STX6: variants seen among roughly 807,000 people sequenced by gnomAD.
STX6 encodes syntaxin-6.
STX6 carries 23 observed loss-of-function variants against 38.0 expected under a neutral mutation model. That is an observed-to-expected ratio of 0.60 (90% CI 0.43 to 0.86). The LOEUF (loss-of-function observed/expected upper bound fraction) is 0.86, where lower values mean the gene tolerates loss of function less well. Among genes scored for constraint, STX6 ranks in the 40% least tolerant of loss-of-function variants. STX6 has a pLI of 0.00. For missense variants in STX6, 274 were observed against 312.9 expected (o/e 0.88, Z 0.94); for synonymous variants, 123 against 107.5 (o/e 1.14, Z -0.89).
intron 7 of STX6, among the ~76,000 whole-genome samples, chr1:180,983,381 T>C (rs1655468982): frequency 6.6e-6 from 1 of 152,150 alleles, no homozygotes; most frequent in African/African-American, 2.4e-5. Flanking sequence ...TCAGATTACC[T>C]CAAGGAGCAT....
chr1:180,986,624 G>A (rs985881505), intron 6 of STX6, among the ~76,000 whole-genome samples: 8 of 152,130 alleles, frequency 5.3e-5, no homozygotes. Flanking sequence ...GCTCACTGCA[G>A]CCTCAAACAC....
At chr1:181,008,152 T>C (rs1461016662) in intron 1 of STX6, among the ~76,000 whole-genome samples, 3 of 152,236 alleles carry the variant, frequency 2.0e-5, no homozygotes, top group Non-Finnish European at 4.4e-5. Context: ...CCTAAAACTG[T>C]ATTAAAGAAC....
At chr1:181,018,980 T>C (rs1656649183) in intron 1 of STX6, among the ~76,000 whole-genome samples, 1 of 152,208 alleles carries the variant, frequency 6.6e-6, no homozygotes, top group African/African-American at 2.4e-5. Flanking sequence ...TTATTAGCTG[T>C]GTGACCCTAG....
At chr1:181,008,563 G>C (rs1656294145) in intron 1 of STX6, among the ~76,000 whole-genome samples, 1 of 152,054 alleles carries the variant, frequency 6.6e-6, no homozygotes, top group Admixed American at 6.6e-5. Flanking sequence ...TGGTCATTAG[G>C]AAAGTATTAG....
At position 180,993,445 on chromosome 1, in the gene STX6, G is replaced by A. The variant is rs370293257; in HGVS notation, c.301-20C>T. On this transcript the variant is annotated intron_variant, in intron 3 of 7. Coordinates refer to ENST00000258301, the MANE Select transcript of STX6 (RefSeq NM_005819.6). The stretch of plus-strand genomic sequence containing the variant: ...CATGTCCTAATGAGAAAGAAGATAC[G>A]AAAACAAATGAAAAATATCCTTAAA... 8.4e-6 allele frequency: 12 copies of A among 1,430,136 alleles called. No homozygotes were observed. The highest frequency in any genetic ancestry group is 5.6e-5 in the African/African-American group (4 of 71,090). The allele number at this position is 1,430,136 out of a possible 1,614,324, so 88.6% of individuals were successfully genotyped here. A position where few individuals can be genotyped will look rare whatever the true frequency, so the allele number is the denominator to read the frequency against.
At chr1:181,012,672 C>CTTTTTT (rs58296301) in intron 1 of STX6, among the ~76,000 whole-genome samples, 1 of 118,922 alleles carries the variant, frequency 8.4e-6, no homozygotes, top group Non-Finnish European at 1.7e-5. Context: ...TTCTTCCATT[C>CTTTTTT]TTTTTTTTTT....
Position 180,972,875 on chromosome 1 carries a change from CAAA to C in STX6, c.*3692_*3694del, listed in dbSNP as rs372906189. 142 of 189,448 alleles carry C rather than the reference CAAA, an allele frequency of 7.5e-4. No individual in the cohort carries two copies. The highest frequency in any genetic ancestry group is 4.0e-3 in the Middle Eastern group (2 of 504). The allele number at this position is 189,448 out of a possible 1,614,324, so 11.7% of individuals were successfully genotyped here. The stretch of plus-strand genomic sequence containing the variant: ...TTCTGGTTTGGTTTTATTTTTTAAT[CAAA>C]AAAAAAAAAAGGAGAGAAAGAAAAG... On this transcript the variant is annotated 3_prime_UTR_variant, in exon 8 of 8. Coordinates refer to ENST00000258301, the MANE Select transcript of STX6 (RefSeq NM_005819.6).
chr1:180,983,302 C>T (rs185229310), intron 7 of STX6, among the ~76,000 whole-genome samples: 2 of 152,244 alleles, frequency 1.3e-5, no homozygotes, highest in African/African-American at 4.8e-5. Flanking sequence ...AGGAAACCAA[C>T]AGAAGAAAAG....
At chr1:181,016,866 C>T (rs1393613559) in intron 1 of STX6, among the ~76,000 whole-genome samples, 2 of 151,878 alleles carry the variant, frequency 1.3e-5, no homozygotes, top group Non-Finnish European at 2.9e-5. Flanking sequence ...GCGGGCAGAT[C>T]ACCTGAGGTC....
In STX6 at chr1:180,989,977, G is replaced by C; in HGVS notation, c.489+7C>G. On this transcript the variant is annotated splice_region_variant and intron_variant, in intron 5 of 7. Transcript: ENST00000258301. ...GGCCCGTCCTAAGTCTGGGGTCCTT[G>C]GGGTACCTGCTGCTGTGCCTGCTGC... 1 of 1,613,348 alleles carries C rather than the reference G, an allele frequency of 6.2e-7. No individual in the cohort carries two copies.
chr1:181,008,017 T>A (rs1384542133), intron 1 of STX6, among the ~76,000 whole-genome samples: 6 of 152,202 alleles, frequency 3.9e-5, no homozygotes, highest in Admixed American at 3.3e-4. Context: ...TCCAGCCTCA[T>A]ACAGATACAT....
In STX6 at chr1:180,976,569, G is replaced by A. The variant is rs759343239; in HGVS notation, c.*1C>T. 27 of 1,613,416 alleles carry A rather than the reference G, an allele frequency of 1.7e-5. No individual in the cohort carries two copies. Among genetic ancestry groups the A allele is most frequent in the South Asian group, 4.4e-5 (4 of 91,084 alleles). Reference sequence around the variant, plus strand: ...GGAACTCGCACCCAGAGGCCCCGCCGTCACAGCACTAAGAAGAGGATGAGC... The same window carrying A: ...GGAACTCGCACCCAGAGGCCCCGCCATCACAGCACTAAGAAGAGGATGAGC... On this transcript the variant is annotated 3_prime_UTR_variant, in exon 8 of 8. Transcript: ENST00000258301.
At chr1:181,005,140 TG>T (rs945607738) in intron 2 of STX6, 153 bp downstream of exon 2, 1 of 953,616 alleles carries the variant, frequency 1.0e-6, no homozygotes, top group African/African-American at 1.8e-5. Flanking sequence ...CTTAAGTTAC[TG>T]GGCAAATACT....
At chr1:181,000,105 A>C (rs893699170) in intron 3 of STX6, among the ~76,000 whole-genome samples, 1 of 152,222 alleles carries the variant, frequency 6.6e-6, no homozygotes, top group African/African-American at 2.4e-5. Context: ...CCACTGGTAA[A>C]TACTAACAGC....
intron 1 of STX6, among the ~76,000 whole-genome samples, chr1:181,019,500 C>T (rs10797664): frequency 0.27 from 41,163 of 151,980 alleles, 6,731 homozygotes; most frequent in Non-Finnish European, 0.35. Context: ...CAGAAAGCTG[C>T]GTGGGTGAAT....
Position 180,976,661 on chromosome 1 carries a change from A to T in STX6, c.692-15T>A. 2 of 1,612,312 alleles carry T rather than the reference A, an allele frequency of 1.2e-6. No homozygotes were observed. Among genetic ancestry groups the T allele is most frequent in the Non-Finnish European group, 1.7e-6 (2 of 1,179,494 alleles). ...TTGGCGCCGATCTGGAAGGCAGGAC[A>T]TGGGGATTAGCTCTCACAGGGACTC... On this transcript the variant is annotated splice_polypyrimidine_tract_variant and intron_variant, in intron 7 of 7. Transcript: ENST00000258301.
chr1:181,008,955 G>A (rs139573699), intron 1 of STX6, among the ~76,000 whole-genome samples: 2,660 of 152,034 alleles, frequency 0.017, 36 homozygotes, highest in Non-Finnish European at 0.025. Context: ...GGGGAAAACA[G>A]CTATTTCAAC....
intron 1 of STX6, among the ~76,000 whole-genome samples, chr1:181,018,069 T>C (rs564137006): frequency 2.8e-4 from 42 of 151,920 alleles, no homozygotes; most frequent in Admixed American, 5.2e-4. Flanking sequence ...GTCTGAAGGA[T>C]ATAAAGAAAT....
intron 7 of STX6, among the ~76,000 whole-genome samples, chr1:180,981,637 A>G (rs1190933158): frequency 6.6e-6 from 1 of 152,108 alleles, no homozygotes; most frequent in Non-Finnish European, 1.5e-5. Context: ...TTAAGTAGGA[A>G]TTTTCACCAA....
Sources: gnomAD v4.1 joint callset for allele counts (sites outside exome capture counted in the v4.1 genomes callset) on GRCh38, gnomAD v4.1.1 for gene constraint, MANE v1.5 for transcripts, NCBI Gene and HGNC (gene_info 2026-07-23, HGNC 2026-07-21) for gene names.